MARCHF1: variants seen among roughly 807,000 people sequenced by gnomAD.
The protein encoded by MARCHF1 is E3 ubiquitin-protein ligase MARCHF1.
Under a neutral mutation model 54.2 loss-of-function variants are expected in MARCHF1, and 40 were observed. The observed-to-expected ratio is 0.74, with a 90% CI of 0.57 to 0.96. The LOEUF (loss-of-function observed/expected upper bound fraction) is 0.96. Ranked by LOEUF, MARCHF1 falls within the 40% of genes least tolerant of loss-of-function variation. The pLI is 0.00. For missense variants in MARCHF1, 586 were observed against 656.5 expected (o/e 0.89, Z 1.17); for synonymous variants, 236 against 236.3 (o/e 1.00, Z 0.01).
chr4:164,211,842 G>A (rs772163562), intron 1 of MARCHF1, among the ~76,000 whole-genome samples: 5 of 152,080 alleles, frequency 3.3e-5, no homozygotes, highest in Non-Finnish European at 7.4e-5. Context: ...AACTTACAGT[G>A]ATAGAGCAGT....
Position 164,116,059 on chromosome 4 carries a change from CA to C in MARCHF1, c.-322-4398del, listed in dbSNP as rs1242358005. Among the ~76,000 whole-genome samples the C allele has an allele frequency of 1.6e-4, 25 of 152,116 alleles. No individual in the cohort carries two copies. In the Middle Eastern group the frequency reaches 0.01, roughly 62 times the overall value. On this transcript the variant is annotated intron_variant, in intron 1 of 9. Coordinates refer to ENST00000514618, the MANE Select transcript of MARCHF1 (RefSeq NM_001394959.1). ...AAATCTAAATAACTTATCTTTACTT[CA>C]TCAAACTTTAGATGATATTGATAAT... is the stretch of plus-strand genomic sequence containing the variant.
chr4:163,917,480 T>C (rs776164535), intron 3 of MARCHF1, among the ~76,000 whole-genome samples: 1 of 152,152 alleles, frequency 6.6e-6, no homozygotes, highest in Non-Finnish European at 1.5e-5. Flanking sequence ...TGGCATCTCA[T>C]AGTTGTTTTA....
intron 5 of MARCHF1, among the ~76,000 whole-genome samples, chr4:163,692,191 T>C (rs898882802): frequency 2.0e-5 from 3 of 152,160 alleles, no homozygotes; most frequent in Non-Finnish European, 4.4e-5. Context: ...TCAACATATA[T>C]TTGTTGAGTG....
chr4:163,772,377 C>G (rs544525306), intron 4 of MARCHF1, among the ~76,000 whole-genome samples: 8 of 152,220 alleles, frequency 5.3e-5, no homozygotes, highest in Admixed American at 2.6e-4. Flanking sequence ...CCTCAAACAC[C>G]TATTTATTAA....
chr4:164,065,804 A>C (rs1380152848), intron 2 of MARCHF1, among the ~76,000 whole-genome samples: 2 of 152,104 alleles, frequency 1.3e-5, no homozygotes, highest in East Asian at 3.8e-4. Flanking sequence ...CAAGAGTTCA[A>C]AGGCCAAAGA....
chr4:163,563,738 T>C (rs566229040), intron 8 of MARCHF1, among the ~76,000 whole-genome samples: 2 of 152,338 alleles, frequency 1.3e-5, no homozygotes, highest in South Asian at 2.1e-4. Context: ...TAAATGGGGC[T>C]ACGTATGTAA....
At chr4:164,366,715 G>T in intron 1 of MARCHF1, among the ~76,000 whole-genome samples, 1 of 151,300 alleles carries the variant, frequency 6.6e-6, no homozygotes, top group Non-Finnish European at 1.5e-5. Context: ...TATTGTATAT[G>T]CATTTTAGTA....
intron 3 of MARCHF1, among the ~76,000 whole-genome samples, chr4:163,917,025 T>C (rs1053275943): frequency 3.0e-4 from 45 of 152,260 alleles, no homozygotes; most frequent in African/African-American, 1.1e-3. Flanking sequence ...CCACAACTCC[T>C]GACAACCACT....
chr4:164,195,167 C>G (rs1430558067), intron 1 of MARCHF1, among the ~76,000 whole-genome samples: 2 of 151,796 alleles, frequency 1.3e-5, no homozygotes, highest in Non-Finnish European at 2.9e-5. Context: ...GCTCTAAGTT[C>G]TTTGAGGTCA....
intron 2 of MARCHF1, among the ~76,000 whole-genome samples, chr4:163,989,936 C>T (rs574292577): frequency 8.4e-4 from 128 of 152,252 alleles, no homozygotes; most frequent in African/African-American, 2.8e-3. Context: ...GAATTTTTCC[C>T]TAATCACAGA....
intron 5 of MARCHF1, among the ~76,000 whole-genome samples, chr4:163,641,393 T>A (rs992204118): frequency 6.6e-6 from 1 of 152,148 alleles, no homozygotes; most frequent in Admixed American, 6.6e-5. Context: ...AAATTATGGC[T>A]ATTTTCAGGA....
At chr4:163,549,944 T>G (rs1044191672) in intron 8 of MARCHF1, among the ~76,000 whole-genome samples, 12 of 152,326 alleles carry the variant, frequency 7.9e-5, no homozygotes, top group Middle Eastern at 3.4e-3. Flanking sequence ...AAGTGTTGTT[T>G]AAATCTTTAT....
chr4:163,540,222 C>T (rs1379893665), intron 9 of MARCHF1, among the ~76,000 whole-genome samples: 1 of 152,118 alleles, frequency 6.6e-6, no homozygotes, highest in African/African-American at 2.4e-5. Flanking sequence ...TGTCTAAAAG[C>T]TTTTTTAAAT....
chr4:163,939,970 T>C lies in MARCHF1; in HGVS notation c.-39+48531A>G, dbSNP rs1045385398. On this transcript the variant is annotated intron_variant, in intron 3 of 9. Transcript: ENST00000514618. ...GAAATCCTAAATCCTCTAAATGTGA[T>C]GGTATTAGGAGGTGGGACTTTTGGA... Among the ~76,000 whole-genome samples the C allele has an allele frequency of 3.9e-5, 6 of 152,262 alleles. No homozygotes were observed. In the South Asian group the frequency reaches 1.2e-3, roughly 32 times the overall value.
At position 163,534,505 on chromosome 4, in the gene MARCHF1, A is replaced by G. The variant is rs534850463; in HGVS notation, c.1340-5459T>C. 6.6e-5 allele frequency among the ~76,000 whole-genome samples: 10 copies of G among 152,216 alleles called. No homozygotes were observed. In the South Asian group the frequency reaches 2.1e-3, roughly 32 times the overall value. On this transcript the variant is annotated intron_variant, in intron 9 of 9. Coordinates refer to ENST00000514618, the MANE Select transcript of MARCHF1 (RefSeq NM_001394959.1). ...ACGGTTTCATGTCTCTCCCTACCCA[A>G]GTCGCTATTTAAAAAAATTAATTAG...
intron 8 of MARCHF1, among the ~76,000 whole-genome samples, chr4:163,565,250 C>T (rs1180906015): frequency 6.6e-6 from 1 of 152,200 alleles, no homozygotes; most frequent in Admixed American, 6.5e-5. Context: ...CTTTAATATA[C>T]ACATCCCTCA....
At chr4:163,529,294 A>T (rs1335620201) in intron 9 of MARCHF1, among the ~76,000 whole-genome samples, 4 of 151,960 alleles carry the variant, frequency 2.6e-5, no homozygotes, top group African/African-American at 9.7e-5. Context: ...CAAATCTCTT[A>T]TTTCTCCTAG....
chr4:164,322,364 A>C (rs1273810221), intron 1 of MARCHF1, among the ~76,000 whole-genome samples: 1 of 152,012 alleles, frequency 6.6e-6, no homozygotes, highest in Non-Finnish European at 1.5e-5. Context: ...TCTTTTGGAT[A>C]TATACCCAAC....
rs923335533 is a variant in MARCHF1 at position 163,634,874 on chromosome 4, G to C, written c.163-21481C>G. On this transcript the variant is annotated intron_variant, in intron 5 of 9. Transcript: ENST00000514618. ...AAAGCTCTCCTCAGCAAATGTAAAAGAACAGAGATTATAACAAACTATCTC... is the reference window on the plus strand; with the variant it reads ...AAAGCTCTCCTCAGCAAATGTAAAACAACAGAGATTATAACAAACTATCTC... Among the ~76,000 whole-genome samples the C allele has an allele frequency of 2.9e-5, 4 of 136,376 alleles. No individual in the cohort carries two copies. The Admixed American group carries it at 3.1e-4, about 10-fold the overall frequency. 89.5% of individuals were successfully genotyped at this position (136,376 alleles called of 152,430 possible).
Sources: allele counts gnomAD v4.1 joint callset (sites outside exome capture counted in the v4.1 genomes callset), GRCh38; gene constraint gnomAD v4.1.1; transcripts MANE v1.5; gene names NCBI Gene and HGNC (gene_info 2026-07-23, HGNC 2026-07-21).